PCDHGA3: variants seen among roughly 807,000 people sequenced by gnomAD.
PCDHGA3 encodes the protein protocadherin gamma subfamily A, 3, also known as protocadherin gamma-A3.
PCDHGA3 carries 40 observed loss-of-function variants against 58.5 expected under a neutral mutation model. That is an observed-to-expected ratio of 0.68 (90% confidence interval 0.53 to 0.89). PCDHGA3 has a LOEUF of 0.89. Ranked by LOEUF, PCDHGA3 falls within the 40% of genes least tolerant of loss-of-function variation. The probability of loss-of-function intolerance (pLI) is 0.00; values close to 1 mark genes in which losing one functional copy is unlikely to be tolerated. For synonymous variants in PCDHGA3, 530 were observed against 525.7 expected, an observed-to-expected ratio of 1.01 and a Z score of -0.11; for missense variants, 1,223 against 1,195.9, an observed-to-expected ratio of 1.02 and a Z score of -0.33.
chr5:141,371,177 A>G lies in PCDHGA3; in HGVS notation c.2424+24720A>G, dbSNP rs757223785. 48 of 1,613,920 alleles carry G rather than the reference A, an allele frequency of 3.0e-5. No homozygotes were observed. In the South Asian group the frequency reaches 4.9e-4, roughly 17 times the overall value. ...AGAACCTGCCCGCTGGCTCCTCCGT[A>G]TTAAAAGTGATGGCCATTGACATGG... On this transcript the variant is annotated intron_variant, in intron 1 of 3. Coordinates refer to ENST00000253812, the MANE Select transcript of PCDHGA3 (RefSeq NM_018916.4).
At chr5:141,464,156 T>C (rs2099077051) in intron 1 of PCDHGA3, among the ~76,000 whole-genome samples, 2 of 151,752 alleles carry the variant, frequency 1.3e-5, no homozygotes, top group Non-Finnish European at 1.5e-5. Context: ...TCCCAGCTAC[T>C]TGGAAGGCTG....
At chr5:141,406,002 A>G (rs1348687108) in intron 1 of PCDHGA3, among the ~76,000 whole-genome samples, 1 of 151,598 alleles carries the variant, frequency 6.6e-6, no homozygotes, top group Non-Finnish European at 1.5e-5. Flanking sequence ...CTCAGCCTGC[A>G]TTGATGTGGG....
chr5:141,372,867 T>A, intron 1 of PCDHGA3: 1 of 1,387,652 alleles, frequency 7.2e-7, no homozygotes, highest in Non-Finnish European at 9.7e-7. Context: ...TTCATTGATT[T>A]AGAGATAAAA....
rs779750859 is a variant in PCDHGA3, at chr5:141,476,273, A to G, written c.2425-18534A>G. On this transcript the variant is annotated intron_variant, in intron 1 of 3. Transcript: ENST00000253812. The surrounding 1 kb of genome is among the most constrained non-coding windows in gnomAD (Gnocchi z 7.6). Reference sequence around the variant, plus strand: ...TTTCGCTGTGGGCAACGTGGTCGCGAACCTTGGTTTGGATCTCGGTAGCCT... The same window carrying G: ...TTTCGCTGTGGGCAACGTGGTCGCGGACCTTGGTTTGGATCTCGGTAGCCT... 6.2e-7 allele frequency: 1 copy of G among 1,613,964 alleles called. No individual in the cohort carries two copies. The highest frequency in any genetic ancestry group is 1.1e-5 in the South Asian group (1 of 91,064).
chr5:141,418,589 C>T (rs184213052), intron 1 of PCDHGA3: 13 of 1,613,896 alleles, frequency 8.1e-6, no homozygotes, highest in African/African-American at 6.7e-5. Flanking sequence ...AGTGTTCAGC[C>T]AGGACGTGTA....
intron 1 of PCDHGA3, chr5:141,409,824 C>A (rs1265260597): frequency 6.2e-7 from 1 of 1,610,742 alleles, no homozygotes; most frequent in Non-Finnish European, 8.5e-7. Flanking sequence ...GGCTCGCCCA[C>A]GCTCAGCGCC....
rs1686238986 is a variant in PCDHGA3 at position 141,431,536 on chromosome 5, G to A, written c.2425-63271G>A. The A allele has an allele frequency of 6.2e-7, 1 of 1,614,070 alleles. No homozygotes were observed. Among genetic ancestry groups the A allele is most frequent in the African/African-American group, 1.3e-5 (1 of 75,064 alleles). On this transcript the variant is annotated intron_variant, in intron 1 of 3. Transcript: ENST00000253812. The surrounding 1 kb of genome is among the most constrained non-coding windows in gnomAD (Gnocchi z 4.8). ...TTCCGGAGAATCTGGCCTTGGGCAC[G>A]CAGCTGCTTGTAGTCAACGCTACCG... is the stretch of plus-strand genomic sequence containing the variant.
At chr5:141,413,664 T>G in intron 1 of PCDHGA3, 1 of 1,613,858 alleles carries the variant, frequency 6.2e-7, no homozygotes, top group Non-Finnish European at 8.5e-7. Flanking sequence ...AAGCTATTGA[T>G]CCGGATGTGG....
At chr5:141,367,423 G>T (rs1765125811) in intron 1 of PCDHGA3, 2 of 152,202 alleles carry the variant, frequency 1.3e-5, no homozygotes, top group Non-Finnish European at 2.9e-5. Flanking sequence ...TGTAGTCCCA[G>T]CTACTCGGAA....
intron 1 of PCDHGA3, chr5:141,384,939 C>T (rs1780682611): frequency 6.2e-7 from 1 of 1,614,018 alleles, no homozygotes; most frequent in Non-Finnish European, 8.5e-7. Context: ...GCCTTGAGCC[C>T]TCCGACGGTC....
In PCDHGA3 at chr5:141,512,133, G is replaced by A. The variant is rs1394116556; in HGVS notation, c.*960G>A. ...CCACTACATAATAGGGCTCAGCCCA[G>A]GCAGCCAGCTTTGGGCTGAGCTAAC... On this transcript the variant is annotated 3_prime_UTR_variant, in exon 4 of 4. Coordinates refer to ENST00000253812, the MANE Select transcript of PCDHGA3 (RefSeq NM_018916.4). 3 of 152,708 alleles carry A rather than the reference G, an allele frequency of 2.0e-5. No homozygotes were observed. Among genetic ancestry groups the A allele is most frequent in the Non-Finnish European group, 2.9e-5 (2 of 68,102 alleles). 9.5% of individuals were successfully genotyped at this position (152,708 alleles called of 1,614,324 possible).
intron 1 of PCDHGA3, among the ~76,000 whole-genome samples, chr5:141,448,617 T>C (rs1318664360): frequency 2.0e-5 from 3 of 152,150 alleles, no homozygotes; most frequent in Non-Finnish European, 2.9e-5. Flanking sequence ...ACTTTATATC[T>C]TCCTTTCTTC....
chr5:141,426,629 T>G (rs1384012221), intron 1 of PCDHGA3: 4 of 397,284 alleles, frequency 1.0e-5, no homozygotes, highest in South Asian at 7.2e-5. Context: ...CTCTAAATGT[T>G]TTTCACATAA....
intron 1 of PCDHGA3, among the ~76,000 whole-genome samples, chr5:141,406,157 C>A: frequency 6.6e-6 from 1 of 151,124 alleles, no homozygotes. Flanking sequence ...ACTGCAGTCT[C>A]AATCTCCTGG....
intron 2 of PCDHGA3, among the ~76,000 whole-genome samples, chr5:141,497,293 C>T (rs1270907262): frequency 6.6e-6 from 1 of 152,136 alleles, no homozygotes. Flanking sequence ...TACCTACCAC[C>T]ACCCCAGGCC....
chr5:141,357,870 A>C, intron 1 of PCDHGA3: 1 of 550,962 alleles, frequency 1.8e-6, no homozygotes. Context: ...TAATTTTACA[A>C]CTCTGAGCCA....
At chr5:141,503,598 C>CTAA (rs2099824827) in intron 2 of PCDHGA3, among the ~76,000 whole-genome samples, 2 of 65,752 alleles carry the variant, frequency 3.0e-5, no homozygotes, top group African/African-American at 9.3e-5. Flanking sequence ...GACTCCAGCT[C>CTAA]AAAAAAAAAA....
intron 1 of PCDHGA3, among the ~76,000 whole-genome samples, chr5:141,456,166 G>A (rs531975607): frequency 6.6e-6 from 1 of 152,148 alleles, no homozygotes; most frequent in African/African-American, 2.4e-5. Flanking sequence ...TAAAGTGCTG[G>A]GATTACAGAA....
chr5:141,374,218 A>C, intron 1 of PCDHGA3: 1 of 1,613,952 alleles, frequency 6.2e-7, no homozygotes, highest in Non-Finnish European at 8.5e-7. Flanking sequence ...GCTCCTTCGT[A>C]GGCAACATCG....
Sources: allele counts gnomAD v4.1 joint callset (sites outside exome capture counted in the v4.1 genomes callset), GRCh38; gene constraint gnomAD v4.1.1; non-coding constraint Gnocchi (gnomAD v3.1); transcripts MANE v1.5; gene names NCBI Gene and HGNC (gene_info 2026-07-23, HGNC 2026-07-21).